Variants in BMP7 observed in about 807,000 individuals in gnomAD.
BMP7 encodes osteogenic protein 1.
BMP7 carries 12 observed loss-of-function variants against 41.2 expected under a neutral mutation model. That is an observed-to-expected ratio of 0.29 (90% confidence interval 0.19 to 0.47). The LOEUF (loss-of-function observed/expected upper bound fraction) is 0.47. Among genes scored for constraint, BMP7 ranks in the 20% least tolerant of loss-of-function variants. The pLI, the probability that BMP7 is intolerant of heterozygous loss-of-function variation, is 0.99. For missense variants in BMP7, 467 were observed against 606.0 expected, an observed-to-expected ratio of 0.77 and a Z score of 2.41; for synonymous variants, 248 against 250.0, an observed-to-expected ratio of 0.99 and a Z score of 0.07.
At chr20:57,217,650 C>T (rs1244032183) in intron 2 of BMP7, among the ~76,000 whole-genome samples, 5 of 152,154 alleles carry the variant, frequency 3.3e-5, no homozygotes, top group Admixed American at 3.3e-4. Flanking sequence ...GTGACTGTCA[C>T]TTTCAGAAAC....
At chr20:57,265,494 C>T (rs1256997677) in intron 1 of BMP7, among the ~76,000 whole-genome samples, 1 of 152,246 alleles carries the variant, frequency 6.6e-6, no homozygotes, top group Non-Finnish European at 1.5e-5. Flanking sequence ...TCCCAGTAAC[C>T]CCTACAGGCT....
At chr20:57,172,709 A>G (rs540875406) in intron 6 of BMP7, among the ~76,000 whole-genome samples, 5 of 152,310 alleles carry the variant, frequency 3.3e-5, no homozygotes, top group African/African-American at 9.6e-5. Flanking sequence ...CGTTAATCTC[A>G]TTATCACATG....
intron 4 of BMP7, among the ~76,000 whole-genome samples, chr20:57,175,731 CAG>C (rs1223686828): frequency 2.0e-5 from 3 of 152,202 alleles, no homozygotes; most frequent in Non-Finnish European, 4.4e-5. Flanking sequence ...CACCCCACAA[CAG>C]AGGGATTGCT....
intron 3 of BMP7, among the ~76,000 whole-genome samples, chr20:57,194,870 C>T (rs903397591): frequency 6.6e-6 from 1 of 152,192 alleles, no homozygotes; most frequent in African/African-American, 2.4e-5. Flanking sequence ...GTGAGCTCGA[C>T]CCCTGCACCA....
intron 3 of BMP7, among the ~76,000 whole-genome samples, chr20:57,192,505 G>A (rs75463454): frequency 1.6e-3 from 236 of 151,334 alleles, no homozygotes; most frequent in African/African-American, 5.1e-3. Flanking sequence ...TAGTCAGTGC[G>A]CGTAACTATT....
chr20:57,201,805 CT>C (rs1409735035), intron 3 of BMP7, among the ~76,000 whole-genome samples: 2 of 152,184 alleles, frequency 1.3e-5, no homozygotes, highest in Admixed American at 1.3e-4. Context: ...TCCATTCCCA[CT>C]TCTCCACTCA....
At chr20:57,250,001 C>T (rs1296535268) in intron 1 of BMP7, among the ~76,000 whole-genome samples, 1 of 152,184 alleles carries the variant, frequency 6.6e-6, no homozygotes, top group African/African-American at 2.4e-5. Flanking sequence ...GACCTGGACC[C>T]AAAGACAGAC....
intron 1 of BMP7, among the ~76,000 whole-genome samples, chr20:57,231,796 C>T (rs1037420861): frequency 3.9e-5 from 6 of 152,240 alleles, no homozygotes; most frequent in Admixed American, 1.3e-4. Context: ...CTGGATGAAC[C>T]CAGCTTCAGA....
intron 2 of BMP7, among the ~76,000 whole-genome samples, chr20:57,203,490 T>C (rs1347063262): frequency 6.6e-6 from 1 of 151,680 alleles, no homozygotes; most frequent in African/African-American, 2.4e-5. Flanking sequence ...GATGGATGGA[T>C]GGATGGATGG....
At position 57,265,736 on chromosome 20, in the gene BMP7, G is replaced by T; in HGVS notation, c.387C>A (p.Asp129Glu). ...TGACGAAGCTCATGACCATGTCGGC[G>T]TCGGTGAGGAAATGGCTATCTTGCA... ...ASLQDSHFLT[D>E]ADMVMSFVNL... Residue 129 changes from aspartate (D) to glutamate (E), a missense_variant, in exon 1 of 7, where the codon GAC becomes GAA. This residue lies in a region of BMP7 where 407 missense variants were observed against 485.9 expected (regional missense o/e 0.84). Transcript: ENST00000395863. 6.2e-7 allele frequency: 1 copy of T among 1,609,632 alleles called. No individual in the cohort carries two copies. Among genetic ancestry groups the T allele is most frequent in the Non-Finnish European group, 8.5e-7 (1 of 1,178,058 alleles).
At chr20:57,240,686 G>A (rs1297579658) in intron 1 of BMP7, among the ~76,000 whole-genome samples, 2 of 152,120 alleles carry the variant, frequency 1.3e-5, no homozygotes, top group African/African-American at 4.8e-5. Context: ...TCAGAATCAT[G>A]GCAAGAGGTG....
intron 2 of BMP7, among the ~76,000 whole-genome samples, chr20:57,211,271 A>T (rs1984876906): frequency 6.6e-6 from 1 of 152,134 alleles, no homozygotes; most frequent in Non-Finnish European, 1.5e-5. Context: ...TTGTACAAAA[A>T]CTGAGGGGCA....
rs764349021 is a variant in BMP7, at chr20:57,183,734, C to A, written c.946G>T (p.Ala316Ser). ...CACCTAAGCATACCTGCCACGTTGG[C>A]CATCCGCAGGGCTTCCTGGTTCTTG... ...TPKNQEALRM[A>S]NVAENSSSDQ... Residue 316 changes from alanine to serine, a missense_variant, in exon 4 of 7, where the codon GCC becomes TCC. Physicochemically the swap from Ala to Ser is moderately conservative, Grantham distance 99. Coordinates refer to ENST00000395863, the MANE Select transcript of BMP7 (RefSeq NM_001719.3). 6.2e-7 allele frequency: 1 copy of A among 1,614,064 alleles called. No individual in the cohort carries two copies.
intron 4 of BMP7, among the ~76,000 whole-genome samples, chr20:57,180,191 A>G (rs565681796): frequency 6.6e-6 from 1 of 152,116 alleles, no homozygotes; most frequent in African/African-American, 2.4e-5. Context: ...TGCACCCCAC[A>G]CCACAGCTTG....
chr20:57,221,950 C>A (rs1222416779), intron 2 of BMP7, among the ~76,000 whole-genome samples: 1 of 152,170 alleles, frequency 6.6e-6, no homozygotes, highest in Non-Finnish European at 1.5e-5. Context: ...AGGCAGCCAT[C>A]CCTTCTCCCA....
In BMP7 at chr20:57,214,616, A is replaced by C. The variant is rs1984969870; in HGVS notation, c.612-11993T>G. Among the ~76,000 whole-genome samples, 1 of 151,698 alleles carries C rather than the reference A, an allele frequency of 6.6e-6. No homozygotes were observed. The highest frequency in any genetic ancestry group is 6.6e-5 in the Admixed American group (1 of 15,246). On this transcript the variant is annotated intron_variant, in intron 2 of 6. Transcript: ENST00000395863. The surrounding 1 kb of genome is among the most constrained non-coding windows in gnomAD (Gnocchi z 4.0). ...ACATGCTGTTTCCGCTGCCTGCAAC[A>C]CTGTTCCCTGCCTTTTCACCTCCCT...
At chr20:57,186,502 C>T (rs1482309925) in intron 3 of BMP7, among the ~76,000 whole-genome samples, 2 of 152,176 alleles carry the variant, frequency 1.3e-5, no homozygotes, top group Non-Finnish European at 2.9e-5. Flanking sequence ...CCAGTGGAAA[C>T]AAAGCCTGTT....
chr20:57,217,635 G>C (rs1211270012), intron 2 of BMP7, among the ~76,000 whole-genome samples: 2 of 152,148 alleles, frequency 1.3e-5, no homozygotes, highest in East Asian at 3.8e-4. Flanking sequence ...CCCTCCAAAC[G>C]CTGGGTGACT....
At chr20:57,188,630 A>G (rs1297790886) in intron 3 of BMP7, among the ~76,000 whole-genome samples, 1 of 152,206 alleles carries the variant, frequency 6.6e-6, no homozygotes, top group Non-Finnish European at 1.5e-5. Context: ...ACATTTTTTA[A>G]AAAACTAAAA....
Sources: allele counts gnomAD v4.1 joint callset (sites outside exome capture counted in the v4.1 genomes callset), GRCh38; gene constraint gnomAD v4.1.1; regional missense constraint gnomAD v4.1.1; non-coding constraint Gnocchi (gnomAD v3.1); transcripts MANE v1.5; gene names NCBI Gene and HGNC (gene_info 2026-07-23, HGNC 2026-07-21).